FAM81B: variants seen among roughly 807,000 people sequenced by gnomAD.
FAM81B encodes the protein protein FAM81B.
FAM81B carries 60 observed loss-of-function variants against 58.7 expected under a neutral mutation model. The ratio of observed to expected loss-of-function variants is 1.02; its 90% CI spans 0.83 to 1.27. The LOEUF (loss-of-function observed/expected upper bound fraction) is 1.27. Among genes scored for constraint, FAM81B ranks in the 50% most tolerant of loss-of-function variants. FAM81B has a pLI of 0.00. For synonymous variants in FAM81B, 189 were observed against 179.6 expected (o/e 1.05, Z -0.42); for missense variants, 491 against 522.0 (o/e 0.94, Z 0.58).
Position 95,448,467 on chromosome 5 carries a change from G to C in FAM81B, c.1225+3G>C. On this transcript the variant is annotated splice_donor_region_variant and intron_variant, in intron 9 of 9. Coordinates refer to ENST00000283357, the MANE Select transcript of FAM81B (RefSeq NM_152548.3). Reference sequence around the variant, plus strand: ...AATGCAGAATGAATATCAATCAGGTGAGCAGATACCTTTTATTAAGTAAAG... The same window carrying C: ...AATGCAGAATGAATATCAATCAGGTCAGCAGATACCTTTTATTAAGTAAAG... 1 of 1,594,438 alleles carries C rather than the reference G, an allele frequency of 6.3e-7. No homozygotes were observed.
chr5:95,427,041 T>C (rs1762862021), intron 5 of FAM81B, among the ~76,000 whole-genome samples: 1 of 149,618 alleles, frequency 6.7e-6, no homozygotes, highest in Non-Finnish European at 1.5e-5. Flanking sequence ...AGAGCAAGAC[T>C]CCGTCTCAAA....
chr5:95,436,837 C>T lies in FAM81B; in HGVS notation c.824C>T (p.Ser275Phe), dbSNP rs750582729. Reference protein sequence around the residue: ...QLLGKIETASSEQTSNLKMVQ... With the variant: ...QLLGKIETASFEQTSNLKMVQ... Reference sequence around the variant, plus strand: ...TTAGGAAAGATAGAAACTGCCAGTTCTGAGCAAACCTCGAATTTAAAGATG... The same window carrying T: ...TTAGGAAAGATAGAAACTGCCAGTTTTGAGCAAACCTCGAATTTAAAGATG... The change falls in exon 7 of 10, where the codon TCT becomes TTT. Residue 275 changes from serine to phenylalanine, a missense_variant. Physicochemically the swap from Ser to Phe is radical, Grantham distance 155. Transcript: ENST00000283357. 44 of 1,613,924 alleles carry T rather than the reference C, an allele frequency of 2.7e-5. No homozygotes were observed. Among genetic ancestry groups the T allele is most frequent in the Admixed American group, 1.7e-4 (10 of 60,004 alleles).
intron 7 of FAM81B, among the ~76,000 whole-genome samples, chr5:95,444,873 A>T (rs957817407): frequency 6.6e-6 from 1 of 152,146 alleles, no homozygotes; most frequent in Non-Finnish European, 1.5e-5. Context: ...CAGCTGGATC[A>T]TTCTTTGTTG....
chr5:95,412,215 T>C (rs1389767608), intron 3 of FAM81B, among the ~76,000 whole-genome samples: 1 of 152,144 alleles, frequency 6.6e-6, no homozygotes, highest in East Asian at 1.9e-4. Flanking sequence ...ATAGCACTGC[T>C]CTTTTTGAAA....
intron 5 of FAM81B, among the ~76,000 whole-genome samples, chr5:95,425,316 G>A (rs563751286): frequency 6.6e-6 from 1 of 152,238 alleles, no homozygotes; most frequent in African/African-American, 2.4e-5. Flanking sequence ...TGAAGTTGCT[G>A]AACAATAAGG....
chr5:95,396,764 G>A (rs1268436818), intron 3 of FAM81B: 1 of 152,216 alleles, frequency 6.6e-6, no homozygotes, highest in African/African-American at 2.4e-5. Flanking sequence ...ATTAATTTGA[G>A]TTGTTTTCTA....
At chr5:95,422,828 G>T (rs371707158) in intron 5 of FAM81B, among the ~76,000 whole-genome samples, 8 of 152,186 alleles carry the variant, frequency 5.3e-5, no homozygotes, top group African/African-American at 1.9e-4. Context: ...AGAGATCAAT[G>T]AAATTACATC....
intron 3 of FAM81B, among the ~76,000 whole-genome samples, chr5:95,410,457 G>A (rs932202638): frequency 6.6e-6 from 1 of 152,102 alleles, no homozygotes; most frequent in Non-Finnish European, 1.5e-5. Flanking sequence ...TCACAATCTG[G>A]CCCTAAAATC....
chr5:95,400,429 TACATACACACACACACAC>T (rs1406621282), intron 3 of FAM81B, among the ~76,000 whole-genome samples: 1 of 97,972 alleles, frequency 1.0e-5, no homozygotes, highest in Non-Finnish European at 2.0e-5. Flanking sequence ...CATACATACA[TACATACACACACACACAC>T]ACATACATAC....
At position 95,401,920 on chromosome 5, in the gene FAM81B, G is replaced by A. The variant is rs113690889; in HGVS notation, c.293+5745G>A. 6.6e-3 allele frequency among the ~76,000 whole-genome samples: 1,008 copies of A among 152,278 alleles called. 4 individuals carry two copies. The highest frequency in any genetic ancestry group is 9.9e-3 in the Non-Finnish European group (672 of 68,014). On this transcript the variant is annotated intron_variant, in intron 3 of 9. Coordinates refer to ENST00000283357, the MANE Select transcript of FAM81B (RefSeq NM_152548.3). ...TTTGTGGAAAATCTGTTCAGATTCAGTTGTCAGCTACATAATCAATGATCT... is the reference window on the plus strand; with the variant it reads ...TTTGTGGAAAATCTGTTCAGATTCAATTGTCAGCTACATAATCAATGATCT...
intron 4 of FAM81B, among the ~76,000 whole-genome samples, chr5:95,418,611 T>A (rs570282519): frequency 1.1e-3 from 171 of 152,320 alleles, no homozygotes; most frequent in Middle Eastern, 3.4e-3. Context: ...AATAACTTTA[T>A]CATAGGTATG....
At chr5:95,428,109 G>A (rs1235600474) in intron 5 of FAM81B, among the ~76,000 whole-genome samples, 1 of 152,164 alleles carries the variant, frequency 6.6e-6, no homozygotes, top group Non-Finnish European at 1.5e-5. Context: ...TGGAGAAGAT[G>A]GATTGGAAGA....
rs757638421 is a variant in FAM81B, at chr5:95,446,675, T to C, written c.1007T>C (p.Leu336Pro). ...KDHLGHINEC[L>P]KVLQEKLEKS... is the part of the protein sequence containing the mutation. ...CACCTGGGCCATATAAATGAATGTC[T>C]GAAGGTCCTACAGGAGAAACTGGTG... The change falls in exon 8 of 10, where the codon CTG becomes CCG. Residue 336 changes from leucine to proline, a missense_variant. Transcript: ENST00000283357. The C allele has an allele frequency of 1.2e-6, 2 of 1,611,574 alleles. No homozygotes were observed. Among genetic ancestry groups the C allele is most frequent in the Non-Finnish European group, 8.5e-7 (1 of 1,179,414 alleles).
chr5:95,400,432 A>T (rs866685593), intron 3 of FAM81B, among the ~76,000 whole-genome samples: 1 of 95,348 alleles, frequency 1.0e-5, no homozygotes, highest in African/African-American at 4.8e-5. Flanking sequence ...ACATACATAC[A>T]TACACACACA....
At chr5:95,449,054 G>A (rs1745696032) in intron 9 of FAM81B, among the ~76,000 whole-genome samples, 1 of 152,160 alleles carries the variant, frequency 6.6e-6, no homozygotes, top group African/African-American at 2.4e-5. Flanking sequence ...AGGTGCTGTG[G>A]TGCAGCCATC....
intron 4 of FAM81B, among the ~76,000 whole-genome samples, chr5:95,416,745 T>A (rs1321049316): frequency 6.6e-6 from 1 of 152,198 alleles, no homozygotes; most frequent in Non-Finnish European, 1.5e-5. Flanking sequence ...TCTCTTTGCA[T>A]GGTGCATACA....
intron 7 of FAM81B, chr5:95,440,308 C>G: frequency 1.0e-6 from 1 of 989,500 alleles, no homozygotes. Flanking sequence ...GACAATGCAA[C>G]TAAAAATGCA....
At chr5:95,425,364 G>T (rs1762797017) in intron 5 of FAM81B, among the ~76,000 whole-genome samples, 1 of 152,058 alleles carries the variant, frequency 6.6e-6, no homozygotes, top group Admixed American at 6.5e-5. Flanking sequence ...GACAAAGCAA[G>T]TCTCATAAAA....
chr5:95,428,067 G>A (rs141912645), intron 5 of FAM81B, among the ~76,000 whole-genome samples: 1 of 152,180 alleles, frequency 6.6e-6, no homozygotes, highest in African/African-American at 2.4e-5. Flanking sequence ...CAAGGAACAG[G>A]AGTTTTGTTT....
Sources: allele counts gnomAD v4.1 joint callset (sites outside exome capture counted in the v4.1 genomes callset), GRCh38; gene constraint gnomAD v4.1.1; transcripts MANE v1.5; gene names NCBI Gene and HGNC (gene_info 2026-07-23, HGNC 2026-07-21).